The following UPF2 variants were observed in gnomAD, a reference collection of about 807,000 sequenced individuals.
UPF2 encodes the protein UPF2 regulator of nonsense mediated mRNA decay, also known as regulator of nonsense transcripts 2.
UPF2 carries 17 observed loss-of-function variants against 141.4 expected under a neutral mutation model. That is an observed-to-expected ratio of 0.12 (90% confidence interval 0.08 to 0.18). The LOEUF is 0.18. Among genes scored for constraint, UPF2 ranks in the 10% least tolerant of loss-of-function variants. The probability of loss-of-function intolerance (pLI) is 1.00; values close to 1 mark genes in which losing one functional copy is unlikely to be tolerated. For missense variants in UPF2, 1,152 were observed against 1,515.9 expected (o/e 0.76, Z 3.99); for synonymous variants, 540 against 498.0 (o/e 1.08, Z -1.12).
rs1203560258 is a variant in UPF2, at chr10:12,035,207, T to C, written c.217A>G (p.Lys73Glu). 6 of 1,613,772 alleles carry C rather than the reference T, an allele frequency of 3.7e-6. No homozygotes were observed. Among genetic ancestry groups the C allele is most frequent in the African/African-American group, 1.3e-5 (1 of 75,002 alleles). The change falls in exon 2 of 22, where the codon AAG becomes GAG. Residue 73 changes from lysine (K) to glutamate (E), a missense_variant. Coordinates refer to ENST00000357604, the MANE Select transcript of UPF2 (RefSeq NM_015542.4). ...DKRKKEDKER[K>E]KKDEEKVKAE... ...TTCACCTTTTCTTCGTCTTTTTTCT[T>C]GCGTTCCTTGTCTTCCTTTTTTCTC...
Position 11,959,052 on chromosome 10 carries a change from C to T in UPF2, c.2370+119G>A. ...AAGAATTCCTTCTTAGGGTGACTTA[C>T]ACAGAGCTGATTATAAAGGAACTTG... On this transcript the variant is annotated intron_variant, in intron 12 of 21. Transcript: ENST00000357604. The surrounding 1 kb of genome is among the most constrained non-coding windows in gnomAD (Gnocchi z 5.9). 1 of 911,480 alleles carries T rather than the reference C, an allele frequency of 1.1e-6. No individual in the cohort carries two copies. Among genetic ancestry groups the T allele is most frequent in the Non-Finnish European group, 1.5e-6 (1 of 653,968 alleles). The allele number at this position is 911,480 out of a possible 1,614,324, so 56.5% of individuals were successfully genotyped here. A position where few individuals can be genotyped will look rare whatever the true frequency, so the allele number is the denominator to read the frequency against.
At chr10:12,035,689 G>A (rs1834612867) in intron 1 of UPF2, 1 of 326,038 alleles carries the variant, frequency 3.1e-6, no homozygotes. Flanking sequence ...TCCAAGCCCA[G>A]ACAAAAGTAG....
At position 11,931,083 on chromosome 10, in the gene UPF2, A is replaced by G. The variant is rs2131152523; in HGVS notation, c.3688+558T>C. 6.6e-6 allele frequency among the ~76,000 whole-genome samples: 1 copy of G among 152,330 alleles called. No homozygotes were observed. The highest frequency in any genetic ancestry group is 6.5e-5 in the Admixed American group (1 of 15,286). Reference sequence around the variant, plus strand: ...AGTATTTCCTCAAATCTGAAGGAACACAGCTTCCTCAAGACCAGGACTCCA... The same window carrying G: ...AGTATTTCCTCAAATCTGAAGGAACGCAGCTTCCTCAAGACCAGGACTCCA... On this transcript the variant is annotated intron_variant, in intron 20 of 21. Coordinates refer to ENST00000357604, the MANE Select transcript of UPF2 (RefSeq NM_015542.4). The surrounding 1 kb of genome is among the most constrained non-coding windows in gnomAD (Gnocchi z 5.9).
At chr10:11,995,359 G>A (rs1234930096) in intron 8 of UPF2, among the ~76,000 whole-genome samples, 1 of 152,128 alleles carries the variant, frequency 6.6e-6, no homozygotes, top group East Asian at 1.9e-4. Flanking sequence ...GCTAAGAAAG[G>A]GCATTACATA....
chr10:12,024,768 T>A (rs1834384617), intron 3 of UPF2, among the ~76,000 whole-genome samples: 1 of 151,208 alleles, frequency 6.6e-6, no homozygotes, highest in African/African-American at 2.4e-5. Context: ...TCCCTCTCTA[T>A]AAAAAAATTT....
chr10:12,021,612 C>T (rs1185708233), intron 3 of UPF2, among the ~76,000 whole-genome samples: 1 of 152,090 alleles, frequency 6.6e-6, no homozygotes, highest in African/African-American at 2.4e-5. Flanking sequence ...ATAGGAAAGG[C>T]AAGAATTTCA....
intron 9 of UPF2, among the ~76,000 whole-genome samples, chr10:11,974,306 G>A (rs776302697): frequency 1.2e-4 from 18 of 152,014 alleles, no homozygotes; most frequent in Admixed American, 7.9e-4. Flanking sequence ...CTAAATATAC[G>A]ATCATGTCAT....
At chr10:12,013,377 C>T (rs112301069) in intron 4 of UPF2, among the ~76,000 whole-genome samples, 333 of 150,770 alleles carry the variant, frequency 2.2e-3, no homozygotes, top group African/African-American at 7.6e-3. Context: ...GCCAGGTTCA[C>T]GCAATTCTCC....
At position 12,035,725 on chromosome 10, in the gene UPF2, G is replaced by A. The variant is rs1834613563; in HGVS notation, c.-18-284C>T. Reference sequence around the variant, plus strand: ...AGAGCATAATATAAGGAACCTCCACGTACCCATCACTCAGATTCAGCCACT... The same window carrying A: ...AGAGCATAATATAAGGAACCTCCACATACCCATCACTCAGATTCAGCCACT... On this transcript the variant is annotated intron_variant, in intron 1 of 21. Transcript: ENST00000357604. The A allele has an allele frequency of 2.6e-5, 6 of 232,248 alleles. No individual in the cohort carries two copies. The South Asian group carries it at 4.1e-4, about 16-fold the overall frequency. The allele number at this position is 232,248 out of a possible 1,614,324, so 14.4% of individuals were successfully genotyped here. A position where few individuals can be genotyped will look rare whatever the true frequency, so the allele number is the denominator to read the frequency against.
chr10:11,991,817 T>A (rs1367481075), intron 8 of UPF2, among the ~76,000 whole-genome samples: 1 of 152,170 alleles, frequency 6.6e-6, no homozygotes, highest in Admixed American at 6.6e-5. Flanking sequence ...AAGGCACATT[T>A]TTCCCCAAGA....
At chr10:11,990,678 CA>C (rs10650923) in intron 8 of UPF2, among the ~76,000 whole-genome samples, 106 of 98,002 alleles carry the variant, frequency 1.1e-3, no homozygotes, top group Middle Eastern at 8.2e-3. Flanking sequence ...GACTCTGTCT[CA>C]AAAAAAAAAA....
intron 8 of UPF2, among the ~76,000 whole-genome samples, chr10:11,982,809 G>A (rs981342913): frequency 2.6e-5 from 4 of 152,046 alleles, no homozygotes; most frequent in African/African-American, 9.7e-5. Context: ...TAGTAGAGAT[G>A]GAGTTTCTCC....
In UPF2 at chr10:11,992,738, A is replaced by G. The variant is rs371810564; in HGVS notation, c.1844+4934T>C. 1.3e-5 allele frequency among the ~76,000 whole-genome samples: 2 copies of G among 152,250 alleles called. No individual in the cohort carries two copies. The highest frequency in any genetic ancestry group is 4.1e-4 in the South Asian group (2 of 4,838). ...AGAATATGTCTGAGAGTAAAATTCA[A>G]TTCAATTGTACATAAAAGAGACTCA... On this transcript the variant is annotated intron_variant, in intron 8 of 21. Coordinates refer to ENST00000357604, the MANE Select transcript of UPF2 (RefSeq NM_015542.4). This position sits in a 1 kb window ranked among gnomAD's most constrained non-coding sequence, Gnocchi z 4.1.
At chr10:11,982,098 A>G (rs1374320455) in intron 8 of UPF2, among the ~76,000 whole-genome samples, 2 of 152,158 alleles carry the variant, frequency 1.3e-5, no homozygotes, top group Admixed American at 1.3e-4. Flanking sequence ...ATTAATTTAC[A>G]CTGAGATTAA....
At chr10:11,937,185 T>C (rs536630538) in intron 18 of UPF2, among the ~76,000 whole-genome samples, 2 of 152,384 alleles carry the variant, frequency 1.3e-5, no homozygotes, top group South Asian at 4.1e-4. Context: ...TCTATGACCA[T>C]TTGTATTAAT....
chr10:11,923,414 G>A (rs985704002), intron 21 of UPF2: 9 of 152,266 alleles, frequency 5.9e-5, no homozygotes, highest in Non-Finnish European at 1.3e-4. Context: ...TGGGCGCGGT[G>A]GCTCATGCCT....
chr10:12,008,757 T>C (rs1364743157), intron 4 of UPF2, among the ~76,000 whole-genome samples: 2 of 151,912 alleles, frequency 1.3e-5, no homozygotes, highest in Admixed American at 6.6e-5. Context: ...ACATGTTCCA[T>C]GGTGGTTTGC....
chr10:11,971,707 G>A (rs1263831132), intron 9 of UPF2, among the ~76,000 whole-genome samples: 1 of 152,122 alleles, frequency 6.6e-6, no homozygotes, highest in African/African-American at 2.4e-5. Context: ...AATGTGGCTT[G>A]CAACTCTGCT....
At chr10:11,945,105 T>G (rs1298424716) in intron 16 of UPF2, among the ~76,000 whole-genome samples, 2 of 152,220 alleles carry the variant, frequency 1.3e-5, no homozygotes, top group African/African-American at 4.8e-5. Context: ...TCTTGCACTT[T>G]CTGTTGATAA....
Sources: allele counts gnomAD v4.1 joint callset (sites outside exome capture counted in the v4.1 genomes callset), GRCh38; gene constraint gnomAD v4.1.1; non-coding constraint Gnocchi (gnomAD v3.1); transcripts MANE v1.5; gene names NCBI Gene and HGNC (gene_info 2026-07-23, HGNC 2026-07-21).